SRGAP3: variants seen among roughly 807,000 people sequenced by gnomAD.
SRGAP3 encodes the protein SLIT-ROBO Rho GTPase-activating protein 3.
In SRGAP3, 39 loss-of-function variants were observed where a neutral mutation model predicts 121.1. The ratio of observed to expected loss-of-function variants is 0.32; its 90% CI spans 0.25 to 0.42. SRGAP3 has a LOEUF of 0.42. Among genes scored for constraint, SRGAP3 ranks in the 10% least tolerant of loss-of-function variants. The pLI is 1.00. For missense variants in SRGAP3, 1,213 were observed against 1,470.6 expected (o/e 0.82, Z 2.86); for synonymous variants, 601 against 570.0 (o/e 1.05, Z -0.77).
chr3:9,308,852 G>T (rs1420500486), intron 3 of SRGAP3, among the ~76,000 whole-genome samples: 1 of 152,076 alleles, frequency 6.6e-6, no homozygotes, highest in Admixed American at 6.6e-5. Context: ...CAACCCCACA[G>T]CCCATCGATC....
At chr3:9,104,063 C>A (rs917711208) in intron 3 of SRGAP3, among the ~76,000 whole-genome samples, 7 of 152,020 alleles carry the variant, frequency 4.6e-5, no homozygotes, top group African/African-American at 1.7e-4. Context: ...AAGTGCTCAA[C>A]AATAAGAGAT....
At chr3:9,168,319 C>G (rs1329061459) in intron 1 of SRGAP3, among the ~76,000 whole-genome samples, 1 of 152,222 alleles carries the variant, frequency 6.6e-6, no homozygotes, top group Admixed American at 6.5e-5. Flanking sequence ...GCCCAACCAT[C>G]GTCTCTGCTG....
At chr3:9,086,335 G>A (rs1270779079) in intron 3 of SRGAP3, among the ~76,000 whole-genome samples, 4 of 151,918 alleles carry the variant, frequency 2.6e-5, no homozygotes, top group African/African-American at 9.7e-5. Context: ...GACCAGCCTG[G>A]GCAACATGGT....
chr3:9,347,247 C>A (rs1955907491), intron 1 of SRGAP3, among the ~76,000 whole-genome samples: 1 of 152,192 alleles, frequency 6.6e-6, no homozygotes, highest in African/African-American at 2.4e-5. Flanking sequence ...CTCACTGCAA[C>A]CTCAATCTTT....
chr3:8,981,557 C>T lies in SRGAP3; in HGVS notation c.*3962G>A, dbSNP rs974654836. On this transcript the variant is annotated 3_prime_UTR_variant, in exon 22 of 22. Coordinates refer to ENST00000383836, the MANE Select transcript of SRGAP3 (RefSeq NM_014850.4). Reference sequence around the variant, plus strand: ...TGAATGCCACATCACGACCAGGTCACGAGAAGTCCTCCACATTCGTGCCTC... The same window carrying T: ...TGAATGCCACATCACGACCAGGTCATGAGAAGTCCTCCACATTCGTGCCTC... 3.4e-5 allele frequency: 8 copies of T among 232,828 alleles called. No homozygotes were observed. The highest frequency in any genetic ancestry group is 2.6e-5 in the Non-Finnish European group (3 of 117,560). The allele number at this position is 232,828 out of a possible 1,614,324, so 14.4% of individuals were successfully genotyped here.
chr3:9,358,396 T>C (rs2030629708), intron 1 of SRGAP3, among the ~76,000 whole-genome samples: 1 of 152,216 alleles, frequency 6.6e-6, no homozygotes, highest in Non-Finnish European at 1.5e-5. Context: ...AGTCCATCCA[T>C]ATTGTAGAAT....
intron 11 of SRGAP3, chr3:9,035,691 A>T (rs1944711641): frequency 1.2e-5 from 2 of 170,804 alleles, no homozygotes; most frequent in South Asian, 4.0e-4. Context: ...ACCAGAGACC[A>T]ATGTCCCCTT....
At chr3:9,327,051 T>G (rs1187509911) in intron 2 of SRGAP3, among the ~76,000 whole-genome samples, 1 of 151,816 alleles carries the variant, frequency 6.6e-6, no homozygotes, top group Non-Finnish European at 1.5e-5. Flanking sequence ...TACATAAAAA[T>G]CATTTTTAAA....
intron 3 of SRGAP3, among the ~76,000 whole-genome samples, chr3:9,092,368 AT>A (rs1947793482): frequency 6.6e-6 from 1 of 152,238 alleles, no homozygotes; most frequent in Non-Finnish European, 1.5e-5. Flanking sequence ...CTATGTGCTT[AT>A]AATACATACC....
chr3:9,232,155 G>A (rs926728899), intron 1 of SRGAP3, among the ~76,000 whole-genome samples: 3 of 152,138 alleles, frequency 2.0e-5, no homozygotes, highest in African/African-American at 7.2e-5. Flanking sequence ...ACTACATAAT[G>A]AGCACCACAG....
chr3:9,063,283 C>T (rs1228867615), intron 5 of SRGAP3, among the ~76,000 whole-genome samples: 4 of 151,810 alleles, frequency 2.6e-5, no homozygotes, highest in African/African-American at 2.4e-5. Context: ...CACATGCCAC[C>T]ACACCTGCCT....
intron 10 of SRGAP3, among the ~76,000 whole-genome samples, chr3:9,040,253 C>A (rs565587560): frequency 4.9e-4 from 75 of 152,316 alleles, no homozygotes; most frequent in African/African-American, 1.6e-3. Flanking sequence ...CCTCCAATAA[C>A]CTCTCATCGC....
chr3:9,082,528 A>G (rs1435620320), intron 3 of SRGAP3, among the ~76,000 whole-genome samples: 2 of 152,240 alleles, frequency 1.3e-5, no homozygotes, highest in Admixed American at 6.5e-5. Context: ...TCTGTTGTTT[A>G]TAAGTCACCC....
chr3:9,137,728 G>C (rs559113730), intron 1 of SRGAP3, among the ~76,000 whole-genome samples: 7 of 152,280 alleles, frequency 4.6e-5, no homozygotes, highest in African/African-American at 1.7e-4. Context: ...ATAGGAAGCA[G>C]GCAGCAGAAA....
intron 1 of SRGAP3, among the ~76,000 whole-genome samples, chr3:9,140,633 G>A (rs1377689633): frequency 3.3e-5 from 5 of 152,192 alleles, no homozygotes; most frequent in East Asian, 1.9e-4. Flanking sequence ...CAACCCTATC[G>A]TTACCCAACA....
At chr3:9,138,285 C>A (rs1163776701) in intron 1 of SRGAP3, among the ~76,000 whole-genome samples, 6 of 152,082 alleles carry the variant, frequency 3.9e-5, no homozygotes, top group Non-Finnish European at 5.9e-5. Flanking sequence ...ATGGAACCCC[C>A]CCCACACAAA....
intron 4 of SRGAP3, among the ~76,000 whole-genome samples, chr3:9,073,293 G>A (rs919277063): frequency 1.3e-5 from 2 of 152,032 alleles, no homozygotes; most frequent in African/African-American, 2.4e-5. Context: ...ATAGGTACCC[G>A]CTAACATGCC....
chr3:9,167,506 G>A (rs774326553), intron 1 of SRGAP3, among the ~76,000 whole-genome samples: 12 of 152,274 alleles, frequency 7.9e-5, no homozygotes, highest in Admixed American at 3.9e-4. Context: ...CACATCCATG[G>A]CCCATCCACT....
chr3:9,138,037 C>G (rs771857292), intron 1 of SRGAP3, among the ~76,000 whole-genome samples: 1 of 152,214 alleles, frequency 6.6e-6, no homozygotes, highest in Non-Finnish European at 1.5e-5. Context: ...TGCTGAATTT[C>G]CAGCTGCGTC....
Sources: gnomAD v4.1 joint callset for allele counts (sites outside exome capture counted in the v4.1 genomes callset) on GRCh38, gnomAD v4.1.1 for gene constraint, MANE v1.5 for transcripts, NCBI Gene and HGNC (gene_info 2026-07-23, HGNC 2026-07-21) for gene names.